GNB5: variants seen among roughly 807,000 people sequenced by gnomAD.
The protein encoded by GNB5 is G protein subunit beta 5.
GNB5 carries 37 observed loss-of-function variants against 55.3 expected under a neutral mutation model. The ratio of observed to expected loss-of-function variants is 0.67; its 90% CI spans 0.51 to 0.88. GNB5 has a LOEUF of 0.88. Among genes scored for constraint, GNB5 ranks in the 40% least tolerant of loss-of-function variants. The pLI is 0.00. For missense variants in GNB5, 476 were observed against 515.3 expected, an observed-to-expected ratio of 0.92 and a Z score of 0.74; for synonymous variants, 219 against 198.5, an observed-to-expected ratio of 1.10 and a Z score of -0.87.
At position 52,141,246 on chromosome 15, in the gene GNB5, TACACAGAAC is replaced by T; in HGVS notation, c.512_520del (p.Cys171_Val173del). ...TTCATTTTTGTCAAACGTCAAGGGG[TACACAGAAC>T]ACTTATTATCCAAACCACTAGGATG... On this transcript the variant is annotated inframe_deletion, in exon 7 of 13. Coordinates refer to ENST00000261837, the MANE Select transcript of GNB5 (RefSeq NM_016194.4). The T allele has an allele frequency of 6.2e-7, 1 of 1,613,790 alleles. No individual in the cohort carries two copies. The highest frequency in any genetic ancestry group is 2.2e-5 in the East Asian group (1 of 44,880).
At chr15:52,189,072 G>A (rs1190948327) in intron 1 of GNB5, among the ~76,000 whole-genome samples, 1 of 152,180 alleles carries the variant, frequency 6.6e-6, no homozygotes, top group Non-Finnish European at 1.5e-5. Flanking sequence ...TCCGTGTTTG[G>A]ATACATAGGG....
chr15:52,187,423 A>G (rs1275320062), intron 1 of GNB5, among the ~76,000 whole-genome samples: 1 of 152,072 alleles, frequency 6.6e-6, no homozygotes, highest in Non-Finnish European at 1.5e-5. Flanking sequence ...TATGTTCTGG[A>G]GAAGAGGAAA....
chr15:52,155,291 G>T (rs1232048916), intron 3 of GNB5, among the ~76,000 whole-genome samples: 1 of 152,202 alleles, frequency 6.6e-6, no homozygotes, highest in Admixed American at 6.5e-5. Context: ...TGTCTTCCCA[G>T]GGAGCTGCTG....
chr15:52,141,741 A>C (rs139734939), intron 6 of GNB5, among the ~76,000 whole-genome samples: 4 of 152,304 alleles, frequency 2.6e-5, no homozygotes, highest in African/African-American at 7.2e-5. Context: ...TTTTCCTTCT[A>C]AACACTTCCA....
chr15:52,137,681 G>T, intron 7 of GNB5: 1 of 1,185,124 alleles, frequency 8.4e-7, no homozygotes. Flanking sequence ...TGAGGCCTGG[G>T]CTCTGGCTGA....
chr15:52,116,141 G>T lies in GNB5; in HGVS notation c.*6616C>A, dbSNP rs1479806852. ...TATGAACATTTGCATTCAAATTTCT[G>T]TGTGGACATATGTTTTAATTTCCCT... On this transcript the variant is annotated 3_prime_UTR_variant, in exon 13 of 13. Transcript: ENST00000261837. 1 of 152,220 alleles carries T rather than the reference G, an allele frequency of 6.6e-6. No individual in the cohort carries two copies. The highest frequency in any genetic ancestry group is 1.5e-5 in the Non-Finnish European group (1 of 68,048). 9.4% of individuals were successfully genotyped at this position (152,220 alleles called of 1,614,324 possible).
intron 6 of GNB5, among the ~76,000 whole-genome samples, chr15:52,145,197 T>C (rs1434947829): frequency 6.6e-6 from 1 of 152,098 alleles, no homozygotes; most frequent in East Asian, 1.9e-4. Flanking sequence ...GTGTTACACA[T>C]GTAGTACAAA....
rs757602305 is a variant in GNB5 at position 52,184,711 on chromosome 15, A to G, written c.-18-17T>C. 5.0e-6 allele frequency: 8 copies of G among 1,602,976 alleles called. No individual in the cohort carries two copies. The highest frequency in any genetic ancestry group is 6.0e-6 in the Non-Finnish European group (7 of 1,172,722). ...AAGATAAAGCTGAAAAAAAGTGAAAAGAAGGGAGGGGGTGTGAGAAAAGCC... is the reference window on the plus strand; with the variant it reads ...AAGATAAAGCTGAAAAAAAGTGAAAGGAAGGGAGGGGGTGTGAGAAAAGCC... On this transcript the variant is annotated splice_polypyrimidine_tract_variant and intron_variant, in intron 1 of 12. Coordinates refer to ENST00000261837, the MANE Select transcript of GNB5 (RefSeq NM_016194.4).
At chr15:52,175,992 C>G (rs559924700) in intron 3 of GNB5, among the ~76,000 whole-genome samples, 1 of 151,570 alleles carries the variant, frequency 6.6e-6, no homozygotes, top group Non-Finnish European at 1.5e-5. Context: ...GAGGTTGTAG[C>G]GAGCTGAGAT....
intron 3 of GNB5, among the ~76,000 whole-genome samples, chr15:52,163,273 G>A (rs552017845): frequency 2.1e-4 from 32 of 152,312 alleles, no homozygotes; most frequent in African/African-American, 7.7e-4. Context: ...GGCCACACAC[G>A]GAGACCCAGG....
At chr15:52,189,818 G>A (rs576658515) in intron 1 of GNB5, among the ~76,000 whole-genome samples, 38 of 152,150 alleles carry the variant, frequency 2.5e-4, no homozygotes, top group African/African-American at 9.2e-4. Context: ...AGACACAAAA[G>A]GCCACATATT....
intron 10 of GNB5, among the ~76,000 whole-genome samples, chr15:52,126,309 A>C (rs542820249): frequency 2.6e-5 from 4 of 152,204 alleles, no homozygotes; most frequent in South Asian, 2.1e-4. Context: ...ATAAAAACAA[A>C]ATGAGACCCC....
intron 3 of GNB5, among the ~76,000 whole-genome samples, chr15:52,168,428 T>G (rs908352930): frequency 6.6e-6 from 1 of 152,134 alleles, no homozygotes; most frequent in Non-Finnish European, 1.5e-5. Context: ...GTGAAGGATC[T>G]CTTCAAGAAC....
At position 52,184,669 on chromosome 15, in the gene GNB5, T is replaced by A. The variant is rs761032738; in HGVS notation, c.8A>T (p.Asp3Val). 1 of 1,613,262 alleles carries A rather than the reference T, an allele frequency of 6.2e-7. No individual in the cohort carries two copies. The highest frequency in any genetic ancestry group is 1.1e-5 in the South Asian group (1 of 90,944). Residue 3 changes from aspartate to valine, a missense_variant, in exon 2 of 13, where the codon GAT (aspartate) becomes GTT (valine). Physicochemically the swap from Asp to Val is radical, Grantham distance 152. Coordinates refer to ENST00000261837, the MANE Select transcript of GNB5 (RefSeq NM_016194.4). ...AAATACATTAACGAGAAAGGTCTGA[T>A]CACACATCTTTTACCCAAGATAAAG... MC[D>V]QTFLVNVFGS...
chr15:52,181,617 AC>A (rs144761836), intron 2 of GNB5, among the ~76,000 whole-genome samples: 4,409 of 151,782 alleles, frequency 0.029, 80 homozygotes, highest in Middle Eastern at 0.054. Flanking sequence ...CTCAAAAAAA[AC>A]AAAAACAAAA....
At chr15:52,136,634 C>T (rs1303494260) in intron 7 of GNB5, among the ~76,000 whole-genome samples, 2 of 152,192 alleles carry the variant, frequency 1.3e-5, no homozygotes, top group East Asian at 3.8e-4. Context: ...TGCCCAGAGG[C>T]TTCCCAGGAC....
intron 12 of GNB5, 133 bp from the exon 13 acceptor site, chr15:52,122,901 C>CACACAA (rs2033309723): frequency 1.4e-6 from 1 of 720,420 alleles, no homozygotes; most frequent in Non-Finnish European, 2.5e-6. Flanking sequence ...CACACACACA[C>CACACAA]ACACAAACAT....
intron 6 of GNB5, among the ~76,000 whole-genome samples, chr15:52,145,593 CGA>C (rs1331000574): frequency 6.6e-6 from 1 of 151,992 alleles, no homozygotes; most frequent in Non-Finnish European, 1.5e-5. Context: ...TGCAGAGAGC[CGA>C]GATCATGCCA....
intron 4 of GNB5, 47 bp from the exon 5 acceptor site, chr15:52,149,972 G>A (rs1216129750): frequency 7.3e-7 from 1 of 1,376,020 alleles, no homozygotes; most frequent in Non-Finnish European, 1.0e-6. Flanking sequence ...AGTTCTTACA[G>A]ATTACTGCTG....
Sources: gnomAD v4.1 joint callset for allele counts (sites outside exome capture counted in the v4.1 genomes callset) on GRCh38, gnomAD v4.1.1 for gene constraint, MANE v1.5 for transcripts, NCBI Gene and HGNC (gene_info 2026-07-23, HGNC 2026-07-21) for gene names.